The following EML6 variants were observed in gnomAD, a reference collection of about 807,000 sequenced individuals.
EML6 encodes EMAP like 6, also known as echinoderm microtubule-associated protein-like 6.
EML6 carries 154 observed loss-of-function variants against 240.1 expected under a neutral mutation model. The ratio of observed to expected loss-of-function variants is 0.64; its 90% CI spans 0.56 to 0.73. The LOEUF (loss-of-function observed/expected upper bound fraction) is 0.73, where lower values mean the gene tolerates loss of function less well. EML6 is among the 30% of genes least tolerant of loss of function. The probability of loss-of-function intolerance (pLI) is 0.00; values close to 1 mark genes in which losing one functional copy is unlikely to be tolerated. For missense variants in EML6, 2,964 were observed against 2,474.6 expected, an observed-to-expected ratio of 1.20 and a Z score of -4.20; for synonymous variants, 1,148 against 899.0, an observed-to-expected ratio of 1.28 and a Z score of -4.95.
intron 2 of EML6, among the ~76,000 whole-genome samples, chr2:54,807,302 A>G (rs1325361255): frequency 2.0e-5 from 3 of 152,238 alleles, no homozygotes; most frequent in African/African-American, 7.2e-5. Context: ...ATTAATGTAA[A>G]TAAAGCTATC....
chr2:54,894,824 G>A (rs1425667001), intron 19 of EML6, 91 bp from the exon 20 acceptor site: 1 of 745,740 alleles, frequency 1.3e-6, no homozygotes, highest in East Asian at 2.7e-5. Context: ...CATCCACAAA[G>A]CTTCCTTACC....
chr2:54,903,923 C>A (rs1218612273), intron 24 of EML6, among the ~76,000 whole-genome samples: 1 of 152,158 alleles, frequency 6.6e-6, no homozygotes, highest in Non-Finnish European at 1.5e-5. Context: ...ATTTCCTCCT[C>A]CAGCAGAGGT....
intron 2 of EML6, among the ~76,000 whole-genome samples, chr2:54,783,470 A>G (rs1480204311): frequency 1.3e-5 from 2 of 152,212 alleles, no homozygotes; most frequent in East Asian, 1.9e-4. Context: ...AGTTCTTTTC[A>G]TATCTGGAAC....
At chr2:54,929,161 CTTCCA>C (rs1251711580) in intron 28 of EML6, among the ~76,000 whole-genome samples, 1 of 152,216 alleles carries the variant, frequency 6.6e-6, no homozygotes, top group African/African-American at 2.4e-5. Context: ...GAAAAACCAT[CTTCCA>C]TTCTAACCAG....
chr2:54,764,728 T>C (rs1358787996), intron 2 of EML6, among the ~76,000 whole-genome samples: 3 of 152,214 alleles, frequency 2.0e-5, no homozygotes, highest in Non-Finnish European at 4.4e-5. Flanking sequence ...CTGTTCTGCC[T>C]AGGGCAGAAT....
intron 17 of EML6, 65 bp from the exon 18 acceptor site, chr2:54,890,989 C>A: frequency 1.3e-6 from 1 of 772,714 alleles, no homozygotes; most frequent in South Asian, 2.5e-5. Flanking sequence ...CAAATGCATG[C>A]TTTTAATAAA....
At chr2:54,969,925 A>C in intron 41 of EML6, 146 bp from the exon 42 acceptor site, 2 of 802,370 alleles carry the variant, frequency 2.5e-6, no homozygotes, top group South Asian at 1.5e-5. Context: ...ATTTGGTGGC[A>C]AGATCCCTGG....
intron 2 of EML6, among the ~76,000 whole-genome samples, chr2:54,751,448 C>G (rs1227505394): frequency 2.6e-5 from 4 of 151,712 alleles, no homozygotes; most frequent in African/African-American, 9.7e-5. Flanking sequence ...TTATTTTATG[C>G]AAAGCACAAG....
intron 17 of EML6, among the ~76,000 whole-genome samples, chr2:54,889,229 ACT>A (rs1187101717): frequency 3.3e-5 from 5 of 151,524 alleles, no homozygotes; most frequent in Admixed American, 1.3e-4. Context: ...TAGGAGAGCT[ACT>A]CTCTGCACTC....
At chr2:54,865,321 CA>C (rs10689357) in intron 13 of EML6, among the ~76,000 whole-genome samples, 7 of 138,722 alleles carry the variant, frequency 5.0e-5, no homozygotes, top group African/African-American at 1.3e-4. Flanking sequence ...TCTGTATCTA[CA>C]AAAAAAAAAA....
intron 17 of EML6, chr2:54,881,892 G>A (rs533704998): frequency 6.6e-6 from 1 of 152,266 alleles, no homozygotes; most frequent in Admixed American, 6.5e-5. Context: ...GTTTTGGCAA[G>A]GGTGATTGTT....
chr2:54,827,680 GGTGCTTTAAAT>G lies in EML6; in HGVS notation c.642_652del (p.Ala215Ter). On this transcript the variant is annotated frameshift_variant, in exon 6 of 42. Transcript: ENST00000356458. LOFTEE classifies it high-confidence loss of function. The stretch of plus-strand genomic sequence containing the variant: ...TGCCAAAGAAGACATCACCTACTCT[GGTGCTTTAAAT>G]GGTGACATCTATGTCTGGAAAGGGC... The G allele has an allele frequency of 6.4e-7, 1 of 1,551,548 alleles. No individual in the cohort carries two copies. Among genetic ancestry groups the G allele is most frequent in the Non-Finnish European group, 8.7e-7 (1 of 1,146,902 alleles).
At chr2:54,864,851 C>T (rs977227665) in intron 13 of EML6, among the ~76,000 whole-genome samples, 10 of 152,212 alleles carry the variant, frequency 6.6e-5, no homozygotes, top group Admixed American at 3.3e-4. Flanking sequence ...AGCCCATAAT[C>T]ATCAGTCATT....
intron 12 of EML6, among the ~76,000 whole-genome samples, chr2:54,863,217 GGGT>G (rs980614349): frequency 1.1e-4 from 17 of 152,172 alleles, no homozygotes; most frequent in African/African-American, 3.9e-4. Context: ...GTAAATGGTT[GGGT>G]TTATTTTTGC....
intron 13 of EML6, among the ~76,000 whole-genome samples, chr2:54,865,349 TG>T (rs1670916971): frequency 6.6e-6 from 1 of 150,662 alleles, no homozygotes; most frequent in Non-Finnish European, 1.5e-5. Context: ...GCTGGGCATT[TG>T]CCTGTAGTCC....
At chr2:54,865,645 A>T (rs764501588) in intron 13 of EML6, among the ~76,000 whole-genome samples, 18 of 152,232 alleles carry the variant, frequency 1.2e-4, no homozygotes, top group Non-Finnish European at 2.4e-4. Context: ...TGGATTTGGA[A>T]TGCTCAACCA....
At chr2:54,808,342 C>T (rs369415166) in intron 2 of EML6, among the ~76,000 whole-genome samples, 1 of 152,178 alleles carries the variant, frequency 6.6e-6, no homozygotes, top group Admixed American at 6.5e-5. Context: ...TGAACATCCA[C>T]TGAGGTTGGG....
At chr2:54,901,412 C>G (rs1484711217) in intron 22 of EML6, among the ~76,000 whole-genome samples, 1 of 152,154 alleles carries the variant, frequency 6.6e-6, no homozygotes, top group Non-Finnish European at 1.5e-5. Flanking sequence ...ATTTTGGCTA[C>G]TAGTTTATAT....
At position 54,964,045 on chromosome 2, in the gene EML6, T is replaced by A. The variant is rs1162923272; in HGVS notation, c.5217T>A (p.Asp1739Glu). The change falls in exon 37 of 42, where the codon GAT becomes GAA. Residue 1739 changes from aspartate (D) to glutamate (E), a missense_variant. By Grantham distance (45) the Asp-to-Glu change is conservative. Transcript: ENST00000356458. ...HAARCAAYSP[D>E]GEMVAIGMKN... ...CCAGGTGTGCAGCCTACAGCCCTGA[T>A]GGGGAGATGGTGGCCATTGGCATGA... 2 of 1,551,678 alleles carry A rather than the reference T, an allele frequency of 1.3e-6. No individual in the cohort carries two copies. The highest frequency in any genetic ancestry group is 1.7e-6 in the Non-Finnish European group (2 of 1,146,976).
Sources: gnomAD v4.1 joint callset for allele counts (sites outside exome capture counted in the v4.1 genomes callset) on GRCh38, gnomAD v4.1.1 for gene constraint, MANE v1.5 for transcripts, NCBI Gene and HGNC (gene_info 2026-07-23, HGNC 2026-07-21) for gene names.